LRRC1: variants seen among roughly 807,000 people sequenced by gnomAD.
The protein encoded by LRRC1 is leucine rich repeat containing 1.
Under a neutral mutation model 69.9 loss-of-function variants are expected in LRRC1, and 28 were observed. That is an observed-to-expected ratio of 0.40 (90% CI 0.30 to 0.55). LRRC1 has a LOEUF of 0.55. LRRC1 is among the 20% of genes least tolerant of loss of function. The probability of loss-of-function intolerance (pLI) is 0.47; values close to 1 mark genes in which losing one functional copy is unlikely to be tolerated. For synonymous variants in LRRC1, 236 were observed against 240.2 expected (o/e 0.98, Z 0.16); for missense variants, 498 against 609.0 (o/e 0.82, Z 1.92).
At chr6:53,814,731 T>C (rs1464955505) in intron 1 of LRRC1, among the ~76,000 whole-genome samples, 1 of 152,204 alleles carries the variant, frequency 6.6e-6, no homozygotes, top group Non-Finnish European at 1.5e-5. Context: ...GTTAGACCTT[T>C]GGTTGGTCTT....
intron 2 of LRRC1, among the ~76,000 whole-genome samples, chr6:53,846,311 C>G (rs1765942723): frequency 6.6e-6 from 1 of 152,146 alleles, no homozygotes; most frequent in South Asian, 2.1e-4. Flanking sequence ...ATCTAAGCTG[C>G]AAGGATTTAT....
intron 3 of LRRC1, among the ~76,000 whole-genome samples, chr6:53,879,566 G>A (rs1292914948): frequency 6.6e-6 from 1 of 152,000 alleles, no homozygotes; most frequent in Non-Finnish European, 1.5e-5. Flanking sequence ...TTACAGGCCG[G>A]AGCCACCTCG....
chr6:53,797,233 A>G (rs755371090), intron 1 of LRRC1, among the ~76,000 whole-genome samples: 4 of 152,104 alleles, frequency 2.6e-5, no homozygotes, highest in African/African-American at 7.2e-5. Flanking sequence ...ATCTCAAAAT[A>G]TAGTCTGATG....
At chr6:53,895,821 C>T (rs992106081) in intron 4 of LRRC1, among the ~76,000 whole-genome samples, 3 of 152,178 alleles carry the variant, frequency 2.0e-5, no homozygotes, top group Non-Finnish European at 4.4e-5. Flanking sequence ...TGAAGAGAGC[C>T]TCATTCTAGG....
At chr6:53,909,338 A>G (rs1768338976) in intron 10 of LRRC1, among the ~76,000 whole-genome samples, 1 of 152,246 alleles carries the variant, frequency 6.6e-6, no homozygotes, top group Non-Finnish European at 1.5e-5. Flanking sequence ...CCTAACTAGC[A>G]TTGTCTAACC....
intron 1 of LRRC1, among the ~76,000 whole-genome samples, chr6:53,804,517 T>A (rs1764584413): frequency 6.6e-6 from 1 of 152,242 alleles, no homozygotes; most frequent in African/African-American, 2.4e-5. Context: ...TGCTGCTTGT[T>A]CTTTTTACTT....
At chr6:53,908,538 G>A (rs1768310199) in intron 10 of LRRC1, among the ~76,000 whole-genome samples, 1 of 152,054 alleles carries the variant, frequency 6.6e-6, no homozygotes, top group Non-Finnish European at 1.5e-5. Context: ...ACATGATATA[G>A]AATATAAAAA....
intron 2 of LRRC1, among the ~76,000 whole-genome samples, chr6:53,859,966 A>G (rs1766442790): frequency 6.6e-6 from 1 of 152,168 alleles, no homozygotes; most frequent in Non-Finnish European, 1.5e-5. Flanking sequence ...ACCAAGAGAA[A>G]ACTGGTGACT....
At chr6:53,918,883 A>T (rs1768651243) in intron 11 of LRRC1, 1 of 152,268 alleles carries the variant, frequency 6.6e-6, no homozygotes, top group Non-Finnish European at 1.5e-5. Context: ...GACTCTGAGA[A>T]GTGAGAGCTT....
chr6:53,901,307 T>C (rs1251369490), intron 8 of LRRC1, among the ~76,000 whole-genome samples: 2 of 152,228 alleles, frequency 1.3e-5, no homozygotes, highest in Non-Finnish European at 2.9e-5. Context: ...CTCACACTTG[T>C]AATCCTAGCA....
chr6:53,869,744 CAATT>C (rs147186890), intron 2 of LRRC1, among the ~76,000 whole-genome samples: 67,288 of 151,324 alleles, frequency 0.44, 15,193 homozygotes, highest in Middle Eastern at 0.51. Context: ...CATCATCAAA[CAATT>C]AATTAATTAA....
intron 1 of LRRC1, among the ~76,000 whole-genome samples, chr6:53,801,352 G>A (rs565536508): frequency 2.0e-4 from 30 of 152,306 alleles, no homozygotes; most frequent in African/African-American, 7.0e-4. Flanking sequence ...GTTTTTACCA[G>A]ATTTAAAAAG....
At position 53,841,116 on chromosome 6, in the gene LRRC1, C is replaced by A. The variant is rs371508510; in HGVS notation, c.160-994C>A. On this transcript the variant is annotated intron_variant, in intron 1 of 13. Transcript: ENST00000370888. ...GAAGAGAGGGTGGGATCTTACTGAC[C>A]AGGCTTTGTCTCAGTCCCCTGTTTT... is the stretch of plus-strand genomic sequence containing the variant. 3.3e-5 allele frequency among the ~76,000 whole-genome samples: 5 copies of A among 152,132 alleles called. No individual in the cohort carries two copies. The East Asian group carries it at 5.8e-4, about 18-fold the overall frequency.
chr6:53,861,499 G>A (rs556307179), intron 2 of LRRC1, among the ~76,000 whole-genome samples: 4 of 150,720 alleles, frequency 2.7e-5, no homozygotes, highest in Admixed American at 2.0e-4. Context: ...ATCAGTCGCT[G>A]GGAGTGGGAC....
intron 7 of LRRC1, 106 bp downstream of exon 7, chr6:53,897,465 C>A: frequency 2.7e-6 from 2 of 747,544 alleles, no homozygotes; most frequent in Non-Finnish European, 4.3e-6. Context: ...ATCTTGAAAA[C>A]CAAAAACATT....
intron 11 of LRRC1, among the ~76,000 whole-genome samples, chr6:53,914,772 A>G (rs1215964141): frequency 4.6e-5 from 7 of 151,776 alleles, no homozygotes; most frequent in Admixed American, 4.6e-4. Flanking sequence ...CTCAAGCTTT[A>G]TTTTCTCCAG....
At chr6:53,843,081 G>T (rs1212905108) in intron 2 of LRRC1, among the ~76,000 whole-genome samples, 1 of 152,126 alleles carries the variant, frequency 6.6e-6, no homozygotes, top group African/African-American at 2.4e-5. Context: ...ACTCCCAGTG[G>T]TCCTATCTAG....
chr6:53,893,512 C>T (rs894234963), intron 4 of LRRC1, among the ~76,000 whole-genome samples: 1 of 152,036 alleles, frequency 6.6e-6, no homozygotes, highest in Non-Finnish European at 1.5e-5. Flanking sequence ...TTGAGCACTC[C>T]AAATCCAGAA....
chr6:53,835,115 T>A (rs1765576594), intron 1 of LRRC1, among the ~76,000 whole-genome samples: 1 of 145,138 alleles, frequency 6.9e-6, no homozygotes, highest in African/African-American at 2.5e-5. Flanking sequence ...TACCATACAA[T>A]TCACCCAAGT....
Sources: allele counts gnomAD v4.1 joint callset (sites outside exome capture counted in the v4.1 genomes callset), GRCh38; gene constraint gnomAD v4.1.1; transcripts MANE v1.5; gene names NCBI Gene and HGNC (gene_info 2026-07-23, HGNC 2026-07-21).